UNC13C: variants seen among roughly 807,000 people sequenced by gnomAD.
UNC13C encodes the protein unc-13 homolog C.
Under a neutral mutation model 245.4 loss-of-function variants are expected in UNC13C, and 174 were observed. The ratio of observed to expected loss-of-function variants is 0.71; its 90% CI spans 0.63 to 0.80. The LOEUF (loss-of-function observed/expected upper bound fraction) is 0.80. Ranked by LOEUF, UNC13C falls within the 30% of genes least tolerant of loss-of-function variation. UNC13C has a pLI of 0.00. For synonymous variants in UNC13C, 992 were observed against 895.1 expected (o/e 1.11, Z -1.93); for missense variants, 2,829 against 2,602.9 (o/e 1.09, Z -1.89).
intron 29 of UNC13C, among the ~76,000 whole-genome samples, chr15:54,565,425 AGTGC>A (rs1326042139): frequency 1.3e-5 from 2 of 152,064 alleles, no homozygotes; most frequent in African/African-American, 4.8e-5. Context: ...AAGAATCCAC[AGTGC>A]AATCTTACAA....
chr15:54,107,201 T>A (rs962619034), intron 2 of UNC13C, among the ~76,000 whole-genome samples: 68 of 152,310 alleles, frequency 4.5e-4, no homozygotes, highest in African/African-American at 1.6e-3. Flanking sequence ...CAATTATGCC[T>A]GAGCCTTTGT....
At chr15:53,841,766 C>T in the UNC13C span, among the ~76,000 whole-genome samples, 2 of 152,094 alleles carry the variant, frequency 1.3e-5, no homozygotes, top group Non-Finnish European at 2.9e-5. Flanking sequence ...TGTGGATTTG[C>T]ACTACTTGCC....
intron 4 of UNC13C, among the ~76,000 whole-genome samples, chr15:54,172,703 GATATATATATATATATAT>G (rs56316345): frequency 0.017 from 1,304 of 78,364 alleles, 49 homozygotes; most frequent in African/African-American, 0.029. Flanking sequence ...TACACACACA[GATATATATATATATATAT>G]ATATATATAT....
upstream of UNC13C, chr15:53,976,733 A>G (rs1893720360): frequency 6.6e-6 from 1 of 152,060 alleles, no homozygotes; most frequent in South Asian, 2.1e-4. Context: ...CACTGACATT[A>G]AATCCAAATT....
chr15:54,532,186 C>T (rs1428366354), intron 25 of UNC13C, among the ~76,000 whole-genome samples: 2 of 152,112 alleles, frequency 1.3e-5, no homozygotes, highest in Non-Finnish European at 2.9e-5. Flanking sequence ...ACCCTCTGCC[C>T]TCCAATAGAC....
the UNC13C span, among the ~76,000 whole-genome samples, chr15:53,940,733 T>C: frequency 2.6e-5 from 4 of 152,128 alleles, 1 homozygote; most frequent in Admixed American, 2.6e-4. Flanking sequence ...ACAAAGATGA[T>C]AAAATGCCTT....
chr15:54,325,521 A>G (rs2038277145), intron 14 of UNC13C, among the ~76,000 whole-genome samples: 1 of 152,030 alleles, frequency 6.6e-6, no homozygotes, highest in African/African-American at 2.4e-5. Context: ...CCAACTCATC[A>G]TTTACATTAG....
In UNC13C at chr15:54,381,020, C is replaced by T. The variant is rs1317553352; in HGVS notation, c.4714-12028C>T. Among the ~76,000 whole-genome samples, 3 of 151,974 alleles carry T rather than the reference C, an allele frequency of 2.0e-5. No individual in the cohort carries two copies. The East Asian group carries it at 5.8e-4, about 29-fold the overall frequency. On this transcript the variant is annotated intron_variant, in intron 17 of 32. Coordinates refer to ENST00000260323, the MANE Select transcript of UNC13C (RefSeq NM_001080534.3). ...TTTCCTGTGCTTTTGGGATCACATCCAAAAAAATCTTAATCCAGTCTAGTG... is the reference window on the plus strand; with the variant it reads ...TTTCCTGTGCTTTTGGGATCACATCTAAAAAAATCTTAATCCAGTCTAGTG...
intron 7 of UNC13C, among the ~76,000 whole-genome samples, chr15:54,243,383 C>T (rs1251796647): frequency 6.6e-6 from 1 of 152,122 alleles, no homozygotes; most frequent in East Asian, 1.9e-4. Context: ...TCCAGTCTAT[C>T]ATTGATGGAC....
intron 10 of UNC13C, among the ~76,000 whole-genome samples, chr15:54,291,889 A>G (rs537428372): frequency 2.6e-5 from 4 of 152,120 alleles, no homozygotes; most frequent in African/African-American, 9.6e-5. Flanking sequence ...AATGAAGGAG[A>G]ACTAAAAGTA....
chr15:54,513,923 C>G (rs1894860886), intron 24 of UNC13C, among the ~76,000 whole-genome samples: 1 of 151,874 alleles, frequency 6.6e-6, no homozygotes, highest in South Asian at 2.1e-4. Flanking sequence ...ATTTTCAGCT[C>G]AAAGTTTTAG....
the UNC13C span, chr15:53,947,739 G>A: frequency 2.6e-5 from 4 of 152,314 alleles, no homozygotes; most frequent in East Asian, 7.7e-4. Flanking sequence ...ACTGCAGAAA[G>A]TTGTGACTGC....
intron 2 of UNC13C, among the ~76,000 whole-genome samples, chr15:54,037,518 T>A (rs1277292709): frequency 6.6e-6 from 1 of 152,216 alleles, no homozygotes; most frequent in Non-Finnish European, 1.5e-5. Flanking sequence ...TTTCACTGTT[T>A]TGGAGGAAAA....
intron 13 of UNC13C, among the ~76,000 whole-genome samples, chr15:54,311,130 T>C (rs553839833): frequency 2.6e-5 from 4 of 151,784 alleles, no homozygotes; most frequent in African/African-American, 4.8e-5. Flanking sequence ...ATTATTGTAA[T>C]GACCTGAAAA....
intron 17 of UNC13C, among the ~76,000 whole-genome samples, chr15:54,349,529 T>C (rs944122553): frequency 6.6e-6 from 1 of 152,132 alleles, no homozygotes; most frequent in Non-Finnish European, 1.5e-5. Context: ...TAAACATTGA[T>C]GAGAAAAGTC....
At chr15:54,043,950 C>G (rs890362881) in intron 2 of UNC13C, among the ~76,000 whole-genome samples, 1 of 152,078 alleles carries the variant, frequency 6.6e-6, no homozygotes, top group Non-Finnish European at 1.5e-5. Context: ...TAAAATCCAC[C>G]CTTTTAAAGT....
At chr15:53,916,980 A>G in the UNC13C span, among the ~76,000 whole-genome samples, 1 of 152,228 alleles carries the variant, frequency 6.6e-6, no homozygotes, top group Non-Finnish European at 1.5e-5. Context: ...ATAGTTAAAT[A>G]TTGGCATAAA....
chr15:54,276,252 G>T (rs2036828805), intron 10 of UNC13C, among the ~76,000 whole-genome samples: 1 of 152,046 alleles, frequency 6.6e-6, no homozygotes, highest in African/African-American at 2.4e-5. Flanking sequence ...CATATGCCAA[G>T]ACCTAAAAAT....
intron 30 of UNC13C, among the ~76,000 whole-genome samples, chr15:54,574,359 G>T (rs1248941475): frequency 6.6e-6 from 1 of 152,054 alleles, no homozygotes; most frequent in African/African-American, 2.4e-5. Context: ...AGTTTTAGAA[G>T]CTGGTAGAAA....
Sources: gnomAD v4.1 joint callset for allele counts (sites outside exome capture counted in the v4.1 genomes callset) on GRCh38, gnomAD v4.1.1 for gene constraint, MANE v1.5 for transcripts, NCBI Gene and HGNC (gene_info 2026-07-23, HGNC 2026-07-21) for gene names.